MEIOC: variants seen among roughly 807,000 people sequenced by gnomAD.
The protein encoded by MEIOC is meiosis specific with coiled-coil domain.
A neutral mutation model predicts 85.3 loss-of-function variants in MEIOC; 9 were observed. The ratio of observed to expected loss-of-function variants is 0.11; its 90% confidence interval spans 0.06 to 0.18. The LOEUF (loss-of-function observed/expected upper bound fraction) is 0.18, where lower values mean the gene tolerates loss of function less well. Ranked by LOEUF, MEIOC falls within the 10% of genes least tolerant of loss-of-function variation. MEIOC has a pLI of 1.00. For synonymous variants in MEIOC, 365 were observed against 393.7 expected (o/e 0.93, Z 0.86); for missense variants, 898 against 1,129.4 (o/e 0.80, Z 2.94).
At chr17:44,658,903 A>G (rs1483984039) in intron 2 of MEIOC, among the ~76,000 whole-genome samples, 2 of 152,072 alleles carry the variant, frequency 1.3e-5, no homozygotes, top group African/African-American at 4.8e-5. Context: ...AAGAAAATCC[A>G]TTATTTAGTA....
intron 2 of MEIOC, among the ~76,000 whole-genome samples, chr17:44,657,876 G>C (rs1971787438): frequency 7.3e-6 from 1 of 136,798 alleles, no homozygotes; most frequent in South Asian, 2.3e-4. Context: ...TTTTGAGACG[G>C]AGTCTCCTTC....
At chr17:44,666,327 TAA>T in intron 4 of MEIOC, 47 bp from the exon 5 acceptor site, 1 of 1,433,722 alleles carries the variant, frequency 7.0e-7, no homozygotes, top group Middle Eastern at 1.8e-4. Context: ...ACTGAAGAAA[TAA>T]AGTCTTTAAA....
In MEIOC at chr17:44,667,064, A is replaced by G. The variant is rs1419399358; in HGVS notation, c.1153A>G (p.Thr385Ala). Residue 385 changes from threonine (T) to alanine (A), a missense_variant, in exon 5 of 8, where the codon ACA becomes GCA. Physicochemically the swap from Thr to Ala is moderately conservative, Grantham distance 58. Transcript: ENST00000409122. ...AGCGAATCAGAAAAAAATGGAGGAG[A>G]CAATCCCTGATCAGCAGAATTTCAC... ...KPANQKKMEE[T>A]IPDQQNFTFP... The G allele has an allele frequency of 2.5e-6, 4 of 1,613,770 alleles. No homozygotes were observed. Among genetic ancestry groups the G allele is most frequent in the Admixed American group, 1.7e-5 (1 of 59,966 alleles).
Position 44,667,495 on chromosome 17 carries a change from T to C in MEIOC, c.1584T>C (p.Asn528=). The change falls in exon 5 of 8, where the codon AAT becomes AAC. Residue 528 remains asparagine (N), a synonymous_variant. Transcript: ENST00000409122. ...PQLSSTNLTP[N]SNLFQKYCQE... is the part of the protein sequence containing the mutation. The stretch of plus-strand genomic sequence containing the variant: ...TATCATCCACAAACTTAACCCCAAA[T>C]AGCAATTTATTTCAGAAATATTGCC... 2 of 1,613,932 alleles carry C rather than the reference T, an allele frequency of 1.2e-6. No homozygotes were observed. Among genetic ancestry groups the C allele is most frequent in the Admixed American group, 1.7e-5 (1 of 60,008 alleles).
At chr17:44,676,562 C>T (rs551133170), downstream of MEIOC, among the ~76,000 whole-genome samples, 1 of 152,054 alleles carries the variant, frequency 6.6e-6, no homozygotes, top group Non-Finnish European at 1.5e-5. Flanking sequence ...GTGGATCACG[C>T]CTGTAATCCC....
chr17:44,674,867 A>G lies in MEIOC; in HGVS notation c.*671A>G, dbSNP rs1972054895. ...ATGCAAGTTACTGAATATAAAACCT[A>G]TTCAGATCATTTGTGTATATTCTTT... is the stretch of plus-strand genomic sequence containing the variant. On this transcript the variant is annotated 3_prime_UTR_variant, in exon 8 of 8. Coordinates refer to ENST00000409122, the MANE Select transcript of MEIOC (RefSeq NM_001145080.3). The G allele has an allele frequency of 4.1e-6, 4 of 977,090 alleles. No individual in the cohort carries two copies. The highest frequency in any genetic ancestry group is 4.9e-6 in the Non-Finnish European group (4 of 822,306). 60.5% of individuals were successfully genotyped at this position (977,090 alleles called of 1,614,324 possible).
downstream of MEIOC, chr17:44,676,876 A>G (rs1214794531): frequency 1.2e-6 from 1 of 829,282 alleles, no homozygotes; most frequent in African/African-American, 1.9e-5. Flanking sequence ...GACGTAAAGG[A>G]TTTATTAGCA....
Position 44,665,495 on chromosome 17 carries a change from A to G in MEIOC, c.464+7A>G. 2 of 1,447,044 alleles carry G rather than the reference A, an allele frequency of 1.4e-6. No homozygotes were observed. Among genetic ancestry groups the G allele is most frequent in the South Asian group, 1.3e-5 (1 of 76,862 alleles). 89.6% of individuals were successfully genotyped at this position (1,447,044 alleles called of 1,614,324 possible). On this transcript the variant is annotated splice_region_variant and intron_variant, in intron 4 of 7. Coordinates refer to ENST00000409122, the MANE Select transcript of MEIOC (RefSeq NM_001145080.3). ...AGCCATATTTTGCTGAAGGGTTAGT[A>G]TATAATCTATATAGTATATAACAGG...
In MEIOC at chr17:44,667,892, C is replaced by G. The variant is rs779651214; in HGVS notation, c.1981C>G (p.Gln661Glu). Reference sequence around the variant, plus strand: ...AGACAATAGCCGTGTGAATCGCACACAAGTGTCATGCTTTTCTAATAATTA... The same window carrying G: ...AGACAATAGCCGTGTGAATCGCACAGAAGTGTCATGCTTTTCTAATAATTA... Reference protein sequence around the residue: ...GGDNSRVNRTQVSCFSNNYMM... With the variant: ...GGDNSRVNRTEVSCFSNNYMM... Residue 661 changes from glutamine (Q) to glutamate (E), a missense_variant, in exon 5 of 8, where the codon CAA (glutamine) becomes GAA (glutamate). Around this residue, in one of 2 missense-constraint regions of MEIOC, gnomAD observed 734 missense variants for 860.1 expected, o/e 0.85. Coordinates refer to ENST00000409122, the MANE Select transcript of MEIOC (RefSeq NM_001145080.3). The G allele has an allele frequency of 3.1e-6, 5 of 1,613,814 alleles. No homozygotes were observed. In the Admixed American group the frequency reaches 5.0e-5, roughly 16 times the overall value.
Position 44,673,355 on chromosome 17 carries a change from G to A in MEIOC, c.2458-11G>A, listed in dbSNP as rs548840950. 5.3e-6 allele frequency: 8 copies of A among 1,521,888 alleles called. No homozygotes were observed. The Admixed American group carries it at 1.9e-4, about 36-fold the overall frequency. 94.3% of individuals were successfully genotyped at this position (1,521,888 alleles called of 1,614,324 possible). A position where few individuals can be genotyped will look rare whatever the true frequency, so the allele number is the denominator to read the frequency against. On this transcript the variant is annotated splice_polypyrimidine_tract_variant and intron_variant, in intron 6 of 7. Transcript: ENST00000409122. ...GACATGTCTTATCAAAATTTAAAATGCTTCCCTCAGGTTGTGACTTTACTA... is the reference window on the plus strand; with the variant it reads ...GACATGTCTTATCAAAATTTAAAATACTTCCCTCAGGTTGTGACTTTACTA...
At chr17:44,668,958 C>T (rs1971955798) in intron 5 of MEIOC, among the ~76,000 whole-genome samples, 1 of 152,174 alleles carries the variant, frequency 6.6e-6, no homozygotes, top group African/African-American at 2.4e-5. Context: ...AATCCCAGCA[C>T]TTTGGGAGGC....
chr17:44,666,409 A>G lies in MEIOC; in HGVS notation c.498A>G (p.Pro166=), dbSNP rs1568133733. Residue 166 remains proline (P), a synonymous_variant, in exon 5 of 8, where the codon CCA becomes CCG. Transcript: ENST00000409122. Reference sequence around the variant, plus strand: ...CCTCCAATTTAAAGTCAGTTTGGCCAATGAACACAAGCAGATTTGCAGATC... The same window carrying G: ...CCTCCAATTTAAAGTCAGTTTGGCCGATGAACACAAGCAGATTTGCAGATC... The part of the protein sequence containing the change: ...TCSSNLKSVW[P]MNTSRFADHH... 3 of 1,551,780 alleles carry G rather than the reference A, an allele frequency of 1.9e-6. No homozygotes were observed. The highest frequency in any genetic ancestry group is 2.6e-6 in the Non-Finnish European group (3 of 1,146,780).
intron 3 of MEIOC, 74 bp downstream of exon 3, chr17:44,662,545 C>A: frequency 9.6e-7 from 1 of 1,041,330 alleles, no homozygotes; most frequent in Non-Finnish European, 1.4e-6. Context: ...GTTATTTGCT[C>A]TCTGTTCCCT....
intron 4 of MEIOC, 94 bp downstream of exon 4, chr17:44,665,582 G>T: frequency 2.1e-6 from 1 of 486,284 alleles, no homozygotes; most frequent in Non-Finnish European, 3.4e-6. Context: ...CTTAATAGTG[G>T]ATCATCTGAC....
chr17:44,658,457 A>G (rs1461424925), intron 2 of MEIOC, among the ~76,000 whole-genome samples: 1 of 150,874 alleles, frequency 6.6e-6, no homozygotes, highest in Non-Finnish European at 1.5e-5. Context: ...GCCCGGCTAC[A>G]ATCTTTTAAA....
At position 44,662,956 on chromosome 17, in the gene MEIOC, T is replaced by C. The variant is rs143469791; in HGVS notation, c.359+485T>C. Reference sequence around the variant, plus strand: ...TGCTGGAATTACAGACATGAGCCTCTGCCCAGCTAGGTTATTACTTAAAAA... The same window carrying C: ...TGCTGGAATTACAGACATGAGCCTCCGCCCAGCTAGGTTATTACTTAAAAA... On this transcript the variant is annotated intron_variant, in intron 3 of 7. Coordinates refer to ENST00000409122, the MANE Select transcript of MEIOC (RefSeq NM_001145080.3). Among the ~76,000 whole-genome samples, 46 of 152,324 alleles carry C rather than the reference T, an allele frequency of 3.0e-4. No individual in the cohort carries two copies. The East Asian group carries it at 8.9e-3, about 29-fold the overall frequency.
chr17:44,663,580 C>G (rs527552155), intron 3 of MEIOC, among the ~76,000 whole-genome samples: 6 of 152,112 alleles, frequency 3.9e-5, no homozygotes, highest in Non-Finnish European at 8.8e-5. Context: ...AAAATTCAAG[C>G]CTATTCTCGC....
chr17:44,665,055 C>T, intron 3 of MEIOC: 1 of 825,640 alleles, frequency 1.2e-6, no homozygotes, highest in Non-Finnish European at 1.5e-6. Flanking sequence ...GCTATGATAC[C>T]AAGCATGTCT....
rs1172102006 is a variant in MEIOC at position 44,657,174 on chromosome 17, C to G, written c.117C>G (p.Gly39=). 6.4e-7 allele frequency: 1 copy of G among 1,551,596 alleles called. No homozygotes were observed. Among genetic ancestry groups the G allele is most frequent in the East Asian group, 2.4e-5 (1 of 40,914 alleles). ...GTGCGAATCGCTGTTGGAACCTCGGCGCCGACGCCGGCAGCAGGTTAACCG... is the reference window on the plus strand; with the variant it reads ...GTGCGAATCGCTGTTGGAACCTCGGGGCCGACGCCGGCAGCAGGTTAACCG... ...PGGANRCWNL[G]ADAGSRLTDV... is the part of the protein sequence containing the mutation. Residue 39 remains glycine (G), a synonymous_variant, in exon 2 of 8, where the codon GGC becomes GGG. Transcript: ENST00000409122.
Sources: gnomAD v4.1 joint callset for allele counts (sites outside exome capture counted in the v4.1 genomes callset) on GRCh38, gnomAD v4.1.1 for gene constraint, gnomAD v4.1.1 regional missense constraint, MANE v1.5 for transcripts, NCBI Gene and HGNC (gene_info 2026-07-23, HGNC 2026-07-21) for gene names.